Variants in MGST1 observed in about 807,000 individuals in gnomAD.
The protein encoded by MGST1 is glutathione S-transferase 12.
In MGST1, 5 loss-of-function variants were observed where a neutral mutation model predicts 8.9. The observed-to-expected ratio is 0.56, with a 90% CI of 0.29 to 1.19. MGST1 has a LOEUF of 1.19. Among genes scored for constraint, MGST1 ranks in the 50% most tolerant of loss-of-function variants. The pLI, the probability that MGST1 is intolerant of heterozygous loss-of-function variation, is 0.08. For synonymous variants in MGST1, 54 were observed against 67.8 expected (o/e 0.80, Z 1.00); for missense variants, 182 against 187.4 (o/e 0.97, Z 0.17).
chr12:16,556,099 A>C (rs1942179545), intron 4 of MGST1, among the ~76,000 whole-genome samples: 2 of 152,162 alleles, frequency 1.3e-5, no homozygotes, highest in Admixed American at 1.3e-4. Context: ...ACAGTGCTTT[A>C]TTCTTAAAAA....
At chr12:16,353,878 G>A (rs1350623436) in intron 1 of MGST1, among the ~76,000 whole-genome samples, 1 of 149,832 alleles carries the variant, frequency 6.7e-6, no homozygotes, top group Non-Finnish European at 1.5e-5. Context: ...TCCTGCCTCA[G>A]TCTCACGAGT....
chr12:16,467,039 ACAG>A (rs1941260258), intron 4 of MGST1, among the ~76,000 whole-genome samples: 2 of 149,628 alleles, frequency 1.3e-5, no homozygotes, highest in East Asian at 5.6e-4. Context: ...AGGAAGCAGC[ACAG>A]ACAGTGTTCT....
chr12:16,412,185 G>T (rs1188889214), intron 1 of MGST1, among the ~76,000 whole-genome samples: 1 of 152,132 alleles, frequency 6.6e-6, no homozygotes, highest in Non-Finnish European at 1.5e-5. Flanking sequence ...GAAGTCAGAA[G>T]ACTTAGATTT....
At chr12:16,391,067 G>A (rs1448667888) in intron 1 of MGST1, among the ~76,000 whole-genome samples, 1 of 151,390 alleles carries the variant, frequency 6.6e-6, no homozygotes, top group Admixed American at 6.6e-5. Flanking sequence ...CAGTGATATT[G>A]AACTTTTTTC....
Position 16,582,231 on chromosome 12 carries a change from C to T in MGST1, n.483-7297C>T, listed in dbSNP as rs183408925. Among the ~76,000 whole-genome samples, 33 of 152,238 alleles carry T rather than the reference C, an allele frequency of 2.2e-4. No individual in the cohort carries two copies. The East Asian group carries it at 4.8e-3, about 22-fold the overall frequency. ...TCAATTGCCTTTTTGGTACAGACTG[C>T]CATAACTATGGTGTTTCTTCCTCCA... is the stretch of plus-strand genomic sequence containing the variant. On this transcript the variant is annotated intron_variant and non_coding_transcript_variant, in intron 4 of 4. Coordinates refer to the MGST1 transcript ENST00000538857. This position sits in a 1 kb window ranked among gnomAD's most constrained non-coding sequence, Gnocchi z 4.1.
chr12:16,381,534 T>A (rs1436444459), downstream of MGST1, among the ~76,000 whole-genome samples: 1 of 152,214 alleles, frequency 6.6e-6, no homozygotes, highest in Admixed American at 6.5e-5. Flanking sequence ...GGCTTCCCTT[T>A]GTGGGTAACC....
chr12:16,354,362 A>G lies in MGST1; in HGVS notation c.110A>G (p.Tyr37Cys), dbSNP rs1328152797. 2.5e-6 allele frequency: 4 copies of G among 1,594,948 alleles called. No homozygotes were observed. Among genetic ancestry groups the G allele is most frequent in the East Asian group, 2.3e-5 (1 of 44,308 alleles). The change falls in exon 2 of 4, where the codon TAT (tyrosine) becomes TGT (cysteine). Residue 37 changes from tyrosine (Y) to cysteine (C), a missense_variant. Transcript: ENST00000396210. ...CTTATGAGTACTGCAACTGCATTCT[A>G]TAGATTGACAAGAAAGGTAAGAAAT... Reference protein sequence around the residue: ...MMLMSTATAFYRLTRKVFANP... With the variant: ...MMLMSTATAFCRLTRKVFANP...
chr12:16,443,005 A>G (rs565445420), downstream of MGST1, among the ~76,000 whole-genome samples: 48 of 151,816 alleles, frequency 3.2e-4, no homozygotes, highest in African/African-American at 1.1e-3. Context: ...TGTCTTTATT[A>G]GTTTTGTTAA....
downstream of MGST1, among the ~76,000 whole-genome samples, chr12:16,441,043 A>C (rs192245366): frequency 5.2e-4 from 79 of 151,910 alleles, no homozygotes; most frequent in African/African-American, 1.9e-3. Flanking sequence ...ATTCTTTTAC[A>C]TACTTCTTAT....
At chr12:16,486,719 G>T (rs80173638) in intron 4 of MGST1, among the ~76,000 whole-genome samples, 1 of 152,144 alleles carries the variant, frequency 6.6e-6, no homozygotes, top group African/African-American at 2.4e-5. Flanking sequence ...TGCTTAATAC[G>T]ATCAGTCCTG....
downstream of MGST1, among the ~76,000 whole-genome samples, chr12:16,377,798 C>A (rs546684466): frequency 1.6e-4 from 24 of 151,842 alleles, no homozygotes; most frequent in African/African-American, 5.8e-4. Context: ...CACATCCTCT[C>A]CAGCACCTGT....
Position 16,484,052 on chromosome 12 carries a change from G to T in MGST1, n.482+100448G>T, listed in dbSNP as rs760193358. 5.0e-4 allele frequency among the ~76,000 whole-genome samples: 76 copies of T among 152,258 alleles called. 1 individual carries two copies. Among genetic ancestry groups the T allele is most frequent in the Non-Finnish European group, 2.1e-4 (14 of 68,018 alleles). On this transcript the variant is annotated intron_variant and non_coding_transcript_variant, in intron 4 of 4. Coordinates refer to the MGST1 transcript ENST00000538857. ...AGACCAATAACAGAAAGATAACTAC[G>T]TATGCCCACATATCTGCAATTAAAA...
At chr12:16,502,640 G>A (rs1485983966) in intron 4 of MGST1, among the ~76,000 whole-genome samples, 4 of 152,010 alleles carry the variant, frequency 2.6e-5, no homozygotes, top group African/African-American at 7.2e-5. Context: ...TTTTAAGTAC[G>A]TATCAAAAAA....
chr12:16,552,862 C>A (rs1942042811), intron 4 of MGST1, among the ~76,000 whole-genome samples: 2 of 152,044 alleles, frequency 1.3e-5, no homozygotes, highest in Non-Finnish European at 2.9e-5. Flanking sequence ...GGTGTTTGTG[C>A]AAGCCAGTTT....
chr12:16,489,838 G>A (rs1021164087), intron 4 of MGST1, among the ~76,000 whole-genome samples: 5 of 152,150 alleles, frequency 3.3e-5, no homozygotes, highest in African/African-American at 1.2e-4. Flanking sequence ...CCATGAAAGA[G>A]ACTTCTACAT....
chr12:16,531,883 G>T (rs1007483094), intron 4 of MGST1, among the ~76,000 whole-genome samples: 2 of 152,088 alleles, frequency 1.3e-5, no homozygotes, highest in African/African-American at 2.4e-5. Flanking sequence ...ACAGGTGCAG[G>T]GGGGACCACA....
chr12:16,556,649 T>C (rs1942201809), intron 4 of MGST1, among the ~76,000 whole-genome samples: 1 of 152,202 alleles, frequency 6.6e-6, no homozygotes, highest in Non-Finnish European at 1.5e-5. Context: ...AAGTGCAATA[T>C]TGCGACAATG....
chr12:16,527,989 A>G (rs1183891990), intron 4 of MGST1, among the ~76,000 whole-genome samples: 1 of 152,032 alleles, frequency 6.6e-6, no homozygotes, highest in African/African-American at 2.4e-5. Flanking sequence ...AGAGCCAGGC[A>G]ATATGTGAAA....
In MGST1 at chr12:16,513,782, G is replaced by T; in HGVS notation, n.483-75746G>T. ...TTTGTCACTGTGCAGACCATTTCTGGAACTAGTGCCTTAAGGATCAGAGCT... is the reference window on the plus strand; with the variant it reads ...TTTGTCACTGTGCAGACCATTTCTGTAACTAGTGCCTTAAGGATCAGAGCT... On this transcript the variant is annotated intron_variant and non_coding_transcript_variant, in intron 4 of 4. Transcript: ENST00000538857. The surrounding 1 kb of genome is among the most constrained non-coding windows in gnomAD (Gnocchi z 4.2). 1 of 594,936 alleles carries T rather than the reference G, an allele frequency of 1.7e-6. No individual in the cohort carries two copies. Among genetic ancestry groups the T allele is most frequent in the South Asian group, 1.4e-5 (1 of 71,702 alleles). The allele number at this position is 594,936 out of a possible 1,614,324, so 36.9% of individuals were successfully genotyped here. A position where few individuals can be genotyped will look rare whatever the true frequency, so the allele number is the denominator to read the frequency against.
Sources: allele counts gnomAD v4.1 joint callset (sites outside exome capture counted in the v4.1 genomes callset), GRCh38; gene constraint gnomAD v4.1.1; non-coding constraint Gnocchi (gnomAD v3.1); transcripts MANE v1.5; gene names NCBI Gene and HGNC (gene_info 2026-07-23, HGNC 2026-07-21).